The following CTNNA3 variants were observed in gnomAD, a reference collection of about 807,000 sequenced individuals.
The protein encoded by CTNNA3 is catenin alpha-3.
Under a neutral mutation model 95.7 loss-of-function variants are expected in CTNNA3, and 76 were observed. The observed-to-expected ratio is 0.79, with a 90% confidence interval of 0.66 to 0.96. The LOEUF (loss-of-function observed/expected upper bound fraction) is 0.96, where lower values mean the gene tolerates loss of function less well. CTNNA3 is among the 40% of genes least tolerant of loss of function. The probability of loss-of-function intolerance (pLI) is 0.00; values close to 1 mark genes in which losing one functional copy is unlikely to be tolerated. For missense variants in CTNNA3, 1,191 were observed against 1,089.8 expected (o/e 1.09, Z -1.31); for synonymous variants, 431 against 374.4 (o/e 1.15, Z -1.74).
chr10:66,678,001 C>T (rs1490963679), intron 9 of CTNNA3, among the ~76,000 whole-genome samples: 1 of 152,162 alleles, frequency 6.6e-6, no homozygotes, highest in African/African-American at 2.4e-5. Context: ...TGCCTCAACT[C>T]CTCCTGCCAA....
intron 7 of CTNNA3, among the ~76,000 whole-genome samples, chr10:67,047,051 A>G (rs1302209095): frequency 6.6e-6 from 1 of 152,218 alleles, no homozygotes; most frequent in Non-Finnish European, 1.5e-5. Context: ...CACTGCCTGT[A>G]TCTGATTCCT....
intron 7 of CTNNA3, among the ~76,000 whole-genome samples, chr10:66,964,655 G>A (rs1275188624): frequency 2.6e-5 from 4 of 152,090 alleles, no homozygotes; most frequent in Non-Finnish European, 5.9e-5. Context: ...CACCTTTGAT[G>A]ACCATCACAG....
chr10:67,553,923 C>T (rs986614618), intron 3 of CTNNA3, among the ~76,000 whole-genome samples: 2 of 152,096 alleles, frequency 1.3e-5, no homozygotes, highest in South Asian at 2.1e-4. Context: ...CCCAACCCCA[C>T]GACAGGCCCC....
intron 6 of CTNNA3, among the ~76,000 whole-genome samples, chr10:67,190,927 G>A (rs1433357570): frequency 1.3e-5 from 2 of 151,896 alleles, no homozygotes; most frequent in Non-Finnish European, 2.9e-5. Context: ...TTAAAAATAG[G>A]CCAATGACCT....
At chr10:66,153,045 T>G (rs1057193496) in intron 13 of CTNNA3, among the ~76,000 whole-genome samples, 5 of 151,992 alleles carry the variant, frequency 3.3e-5, no homozygotes, top group African/African-American at 1.2e-4. Context: ...TTCTTCATAT[T>G]GATCTATCTT....
chr10:67,334,305 A>C (rs537222756), intron 5 of CTNNA3: 2 of 153,296 alleles, frequency 1.3e-5, no homozygotes, highest in South Asian at 4.1e-4. Context: ...ATCTGGCTGC[A>C]TCAGCAAAAA....
In CTNNA3 at chr10:67,587,863, G is replaced by A. The variant is rs78136384; in HGVS notation, c.292+18994C>T. Among the ~76,000 whole-genome samples, 888 of 152,144 alleles carry A rather than the reference G, an allele frequency of 5.8e-3. 6 individuals are homozygous for A. The highest frequency in any genetic ancestry group is 0.021 in the African/African-American group (852 of 41,524). On this transcript the variant is annotated intron_variant, in intron 3 of 17. Transcript: ENST00000433211. Reference sequence around the variant, plus strand: ...TAATTTGTAAATTCAGTTACTTTATGTTGTGCCAAACTTCTCAAAGGCTTT... The same window carrying A: ...TAATTTGTAAATTCAGTTACTTTATATTGTGCCAAACTTCTCAAAGGCTTT...
chr10:67,082,880 C>T (rs1270898840), intron 7 of CTNNA3, among the ~76,000 whole-genome samples: 1 of 152,082 alleles, frequency 6.6e-6, no homozygotes, highest in Non-Finnish European at 1.5e-5. Context: ...AAGCAACTAA[C>T]CAGATTTTGT....
chr10:67,013,130 G>C (rs1852444708), intron 7 of CTNNA3: 1 of 152,068 alleles, frequency 6.6e-6, no homozygotes, highest in South Asian at 2.1e-4. Context: ...GAGAAATTAA[G>C]GCTCAGAGAA....
At chr10:67,674,508 T>C (rs1216316635) in intron 1 of CTNNA3, among the ~76,000 whole-genome samples, 2 of 152,152 alleles carry the variant, frequency 1.3e-5, no homozygotes, top group Non-Finnish European at 2.9e-5. Context: ...GAATGTGTGT[T>C]CAGTTTCAAT....
chr10:66,840,986 A>G (rs139515882), intron 7 of CTNNA3, among the ~76,000 whole-genome samples: 1 of 152,328 alleles, frequency 6.6e-6, no homozygotes, highest in African/African-American at 2.4e-5. Flanking sequence ...ACAATCATGT[A>G]TGTTACCTGT....
chr10:66,084,154 A>AAAAAAAAAAAAAAAAAAAAG (rs1564627073), intron 14 of CTNNA3, among the ~76,000 whole-genome samples: 10 of 141,394 alleles, frequency 7.1e-5, no homozygotes, highest in South Asian at 4.7e-4. Flanking sequence ...AAAAGAAAAA[A>AAAAAAAAAAAAAAAAAAAAG]AAAGAAAAAG....
At chr10:66,248,779 C>A (rs1028803921) in intron 13 of CTNNA3, among the ~76,000 whole-genome samples, 1 of 152,066 alleles carries the variant, frequency 6.6e-6, no homozygotes. Context: ...GAGAGACAGA[C>A]CTCAATACAA....
intron 10 of CTNNA3, among the ~76,000 whole-genome samples, chr10:66,612,891 C>T (rs1413445375): frequency 6.6e-6 from 1 of 152,016 alleles, no homozygotes; most frequent in Non-Finnish European, 1.5e-5. Context: ...GAATCCAATT[C>T]TCATGCCATT....
At chr10:67,363,693 C>A (rs1267533534) in intron 5 of CTNNA3, among the ~76,000 whole-genome samples, 1 of 152,156 alleles carries the variant, frequency 6.6e-6, no homozygotes. Context: ...ATACCATAAA[C>A]ACTTCTACGC....
chr10:66,982,158 C>A (rs1376736785), intron 7 of CTNNA3, among the ~76,000 whole-genome samples: 2 of 152,154 alleles, frequency 1.3e-5, no homozygotes, highest in Admixed American at 1.3e-4. Flanking sequence ...TGCATTCTGG[C>A]AGTTTGAACA....
chr10:66,323,306 A>G (rs2092213749), intron 12 of CTNNA3, among the ~76,000 whole-genome samples: 1 of 151,962 alleles, frequency 6.6e-6, no homozygotes, highest in Non-Finnish European at 1.5e-5. Flanking sequence ...TTTTTTTAAC[A>G]TGCCATTTGT....
intron 15 of CTNNA3, among the ~76,000 whole-genome samples, chr10:66,038,356 G>A (rs1034938881): frequency 4.0e-4 from 61 of 152,286 alleles, no homozygotes; most frequent in African/African-American, 1.4e-3. Context: ...TGCTTTCTAT[G>A]AGGATCAGCC....
intron 7 of CTNNA3, among the ~76,000 whole-genome samples, chr10:66,966,641 C>G (rs1849428200): frequency 6.6e-6 from 1 of 152,014 alleles, no homozygotes; most frequent in Non-Finnish European, 1.5e-5. Context: ...GAGGGGGAAG[C>G]AGTGGCTACA....
Sources: gnomAD v4.1 joint callset for allele counts (sites outside exome capture counted in the v4.1 genomes callset) on GRCh38, gnomAD v4.1.1 for gene constraint, MANE v1.5 for transcripts, NCBI Gene and HGNC (gene_info 2026-07-23, HGNC 2026-07-21) for gene names.